The following NOSTRIN variants were observed in gnomAD, a reference collection of about 807,000 sequenced individuals.
NOSTRIN encodes the protein BM247 homolog.
Under a neutral mutation model 59.0 loss-of-function variants are expected in NOSTRIN, and 63 were observed. The ratio of observed to expected loss-of-function variants is 1.07; its 90% CI spans 0.87 to 1.32. The LOEUF (loss-of-function observed/expected upper bound fraction) is 1.32, where lower values mean the gene tolerates loss of function less well. Ranked by LOEUF, NOSTRIN falls within the 40% of genes most tolerant of loss-of-function variation. NOSTRIN has a pLI of 0.00. For synonymous variants in NOSTRIN, 200 were observed against 165.4 expected (o/e 1.21, Z -1.61); for missense variants, 512 against 473.1 (o/e 1.08, Z -0.76).
chr2:168,865,176 C>G lies in NOSTRIN; in HGVS notation c.*206C>G. 1 of 579,038 alleles carries G rather than the reference C, an allele frequency of 1.7e-6. No individual in the cohort carries two copies. Among genetic ancestry groups the G allele is most frequent in the Non-Finnish European group, 3.0e-6 (1 of 337,480 alleles). The allele number at this position is 579,038 out of a possible 1,614,324, so 35.9% of individuals were successfully genotyped here. ...TGGGTGGAGACAGACAAGGAAGAGG[C>G]TCCTTGGTTCCTAGAGGAGTTTCCA... On this transcript the variant is annotated 3_prime_UTR_variant, in exon 16 of 16. Coordinates refer to ENST00000317647, the MANE Select transcript of NOSTRIN (RefSeq NM_001039724.4).
intron 7 of NOSTRIN, among the ~76,000 whole-genome samples, chr2:168,839,004 C>T (rs565669125): frequency 7.3e-4 from 111 of 152,056 alleles, no homozygotes; most frequent in Middle Eastern, 3.4e-3. Context: ...AGGCTGTTCT[C>T]GAACTCCTGA....
intron 15 of NOSTRIN, among the ~76,000 whole-genome samples, chr2:168,863,078 A>AAGTT (rs1689572495): frequency 6.6e-6 from 1 of 152,186 alleles, no homozygotes; most frequent in African/African-American, 2.4e-5. Context: ...TGCAGCATTT[A>AAGTT]AGTTACATCA....
At chr2:168,823,985 G>T (rs918576732) in intron 2 of NOSTRIN, among the ~76,000 whole-genome samples, 2 of 152,134 alleles carry the variant, frequency 1.3e-5, no homozygotes, top group Non-Finnish European at 2.9e-5. Flanking sequence ...TAAGGCAAAA[G>T]AATCACTTGA....
At chr2:168,862,420 T>TAATC (rs920742134) in intron 15 of NOSTRIN, among the ~76,000 whole-genome samples, 3 of 152,242 alleles carry the variant, frequency 2.0e-5, no homozygotes, top group Admixed American at 1.3e-4. Flanking sequence ...GTCATGCTCC[T>TAATC]AATCACAGTG....
chr2:168,838,539 C>T (rs1474698979), intron 7 of NOSTRIN, among the ~76,000 whole-genome samples: 1 of 151,894 alleles, frequency 6.6e-6, no homozygotes, highest in Non-Finnish European at 1.5e-5. Context: ...CGTGCCCAGC[C>T]CCAAATACTT....
At chr2:168,838,535 C>T (rs1444543400) in intron 7 of NOSTRIN, among the ~76,000 whole-genome samples, 1 of 152,168 alleles carries the variant, frequency 6.6e-6, no homozygotes, top group Non-Finnish European at 1.5e-5. Flanking sequence ...CCACCGTGCC[C>T]AGCCCCAAAT....
chr2:168,835,044 A>G (rs1466660838), intron 7 of NOSTRIN, among the ~76,000 whole-genome samples: 1 of 152,078 alleles, frequency 6.6e-6, no homozygotes, highest in Non-Finnish European at 1.5e-5. Flanking sequence ...ACTATAGTAA[A>G]TTTAAATGCA....
At chr2:168,820,630 G>A (rs1355113992) in intron 2 of NOSTRIN, among the ~76,000 whole-genome samples, 2 of 151,350 alleles carry the variant, frequency 1.3e-5, no homozygotes, top group African/African-American at 4.9e-5. Context: ...AAGAAGTGCT[G>A]TGTGGTAGTT....
chr2:168,830,875 C>T (rs1430772840), intron 5 of NOSTRIN, among the ~76,000 whole-genome samples: 1 of 152,164 alleles, frequency 6.6e-6, no homozygotes, highest in East Asian at 1.9e-4. Context: ...TCAGCTCATG[C>T]AAGGGCCTGT....
chr2:168,865,235 A>C lies in NOSTRIN; in HGVS notation c.*265A>C. 2.8e-6 allele frequency: 1 copy of C among 354,140 alleles called. No homozygotes were observed. Among genetic ancestry groups the C allele is most frequent in the Non-Finnish European group, 5.1e-6 (1 of 194,754 alleles). 21.9% of individuals were successfully genotyped at this position (354,140 alleles called of 1,614,324 possible). On this transcript the variant is annotated 3_prime_UTR_variant, in exon 16 of 16. Coordinates refer to ENST00000317647, the MANE Select transcript of NOSTRIN (RefSeq NM_001039724.4). Reference sequence around the variant, plus strand: ...GAGACCCTAGAGATGATCCAGTATAACCCCTGGTGTCACAGAAACAGACGG... The same window carrying C: ...GAGACCCTAGAGATGATCCAGTATACCCCCTGGTGTCACAGAAACAGACGG...
At chr2:168,863,241 C>G (rs546492989) in intron 15 of NOSTRIN, 28 of 235,218 alleles carry the variant, frequency 1.2e-4, no homozygotes, top group African/African-American at 6.3e-4. Context: ...TGTTTGAATT[C>G]TTGTTAATAG....
At chr2:168,791,128 G>A (rs1175998878) in intron 2 of NOSTRIN, among the ~76,000 whole-genome samples, 1 of 152,042 alleles carries the variant, frequency 6.6e-6, no homozygotes, top group Non-Finnish European at 1.5e-5. Context: ...ATCTCCTAAT[G>A]CTATCCCTCC....
chr2:168,821,177 A>G (rs1157096908), intron 2 of NOSTRIN, among the ~76,000 whole-genome samples: 2 of 152,254 alleles, frequency 1.3e-5, no homozygotes, highest in Non-Finnish European at 2.9e-5. Flanking sequence ...CTTCCAAGAA[A>G]GAATACAATG....
chr2:168,856,848 G>C (rs1354242036), intron 12 of NOSTRIN, 70 bp downstream of exon 12: 1 of 1,443,852 alleles, frequency 6.9e-7, no homozygotes, highest in Admixed American at 1.7e-5. Flanking sequence ...ACTTGTTTCT[G>C]GTCCACTTGG....
Position 168,811,599 on chromosome 2 carries a change from T to G in NOSTRIN, c.60T>G (p.Phe20Leu). 1 of 863,766 alleles carries G rather than the reference T, an allele frequency of 1.2e-6. No individual in the cohort carries two copies. The highest frequency in any genetic ancestry group is 2.0e-6 in the Non-Finnish European group (1 of 498,466). The allele number at this position is 863,766 out of a possible 1,614,324, so 53.5% of individuals were successfully genotyped here. The change falls in exon 2 of 16, where the codon TTT (phenylalanine) becomes TTG (leucine). Residue 20 changes from phenylalanine (F) to leucine (L), a missense_variant. Physicochemically the swap from Phe to Leu is conservative, Grantham distance 22. Transcript: ENST00000317647. Reference sequence around the variant, plus strand: ...AAGTATACAAGAACCTAAAGGAGTTTTCTCAAAATGGAGAGAATTTCTGCA... The same window carrying G: ...AAGTATACAAGAACCTAAAGGAGTTGTCTCAAAATGGAGAGAATTTCTGCA... ...YNKVYKNLKE[F>L]SQNGENFCKQ...
intron 1 of NOSTRIN, among the ~76,000 whole-genome samples, chr2:168,807,717 G>A (rs543262): frequency 0.61 from 93,200 of 152,084 alleles, 31,047 homozygotes; most frequent in East Asian, 0.87. Flanking sequence ...GGCAGAGTAT[G>A]GCTGGGAGCG....
At position 168,826,019 on chromosome 2, in the gene NOSTRIN, C is replaced by A. The variant is rs140901400; in HGVS notation, c.197+1302C>A. Among the ~76,000 whole-genome samples the A allele has an allele frequency of 5.7e-3, 862 of 152,278 alleles. 32 individuals carry two copies. Among genetic ancestry groups the A allele is most frequent in the East Asian group, 2.1e-3 (11 of 5,186 alleles). On this transcript the variant is annotated intron_variant, in intron 3 of 15. Transcript: ENST00000317647. ...TGCCCAGGTTTAAATTCTAACTCTA[C>A]CACTTAACAGGTGAGTGACCTAGGA...
rs1470138406 is a variant in NOSTRIN at position 168,865,096 on chromosome 2, T to C, written c.*126T>C. ...AAATGGATGGAGTTCTACCTGCATG[T>C]CACAGCACTTTGCATTCATGATTAT... On this transcript the variant is annotated 3_prime_UTR_variant, in exon 16 of 16. Coordinates refer to ENST00000317647, the MANE Select transcript of NOSTRIN (RefSeq NM_001039724.4). The C allele has an allele frequency of 3.1e-6, 3 of 967,074 alleles. No individual in the cohort carries two copies. The Admixed American group carries it at 8.0e-5, about 26-fold the overall frequency. 59.9% of individuals were successfully genotyped at this position (967,074 alleles called of 1,614,324 possible).
upstream of NOSTRIN, among the ~76,000 whole-genome samples, chr2:168,797,079 C>CTTTTTTTTTTTTTTTTTTTTTTTTTTT (rs775176252): frequency 3.3e-4 from 25 of 75,030 alleles, 1 homozygote; most frequent in African/African-American, 8.5e-4. Flanking sequence ...TTTCTTTTTT[C>CTTTTTTTTTTTTTTTTTTTTTTTTTTT]TTTTTTTTTT....
Sources: allele counts gnomAD v4.1 joint callset (sites outside exome capture counted in the v4.1 genomes callset), GRCh38; gene constraint gnomAD v4.1.1; transcripts MANE v1.5; gene names NCBI Gene and HGNC (gene_info 2026-07-23, HGNC 2026-07-21).